The following DCLK1 variants were observed in gnomAD, a reference collection of about 807,000 sequenced individuals.
The protein encoded by DCLK1 is serine/threonine-protein kinase DCLK1.
Under a neutral mutation model 86.2 loss-of-function variants are expected in DCLK1, and 16 were observed. The observed-to-expected ratio is 0.19, with a 90% confidence interval of 0.13 to 0.28. The LOEUF is 0.28. Among genes scored for constraint, DCLK1 ranks in the 10% least tolerant of loss-of-function variants. DCLK1 has a pLI of 1.00. For missense variants in DCLK1, 590 were observed against 940.2 expected (o/e 0.63, Z 4.87); for synonymous variants, 369 against 370.5 (o/e 1.00, Z 0.05).
chr13:36,061,992 C>G (rs1171838874), intron 3 of DCLK1, among the ~76,000 whole-genome samples: 1 of 152,096 alleles, frequency 6.6e-6, no homozygotes, highest in Non-Finnish European at 1.5e-5. Context: ...CTCTGAGAAC[C>G]CTGTCTAAAT....
chr13:35,968,083 A>G (rs1878873356), intron 3 of DCLK1, among the ~76,000 whole-genome samples: 1 of 152,158 alleles, frequency 6.6e-6, no homozygotes, highest in South Asian at 2.1e-4. Context: ...GACACATGCT[A>G]CAAGATGGAT....
intron 4 of DCLK1, among the ~76,000 whole-genome samples, chr13:35,893,440 C>CTG (rs1272380929): frequency 1.3e-4 from 20 of 152,270 alleles, no homozygotes; most frequent in Admixed American, 2.0e-4. Flanking sequence ...TGAGCACTTC[C>CTG]TGTGTGCCAG....
At chr13:35,882,545 G>A (rs756602572) in intron 4 of DCLK1, among the ~76,000 whole-genome samples, 2 of 152,076 alleles carry the variant, frequency 1.3e-5, no homozygotes, top group African/African-American at 2.4e-5. Context: ...GTTGCTCTTC[G>A]AGAATATCCT....
At chr13:36,031,462 C>T (rs1245923285) in intron 3 of DCLK1, among the ~76,000 whole-genome samples, 3 of 152,072 alleles carry the variant, frequency 2.0e-5, no homozygotes, top group Non-Finnish European at 4.4e-5. Context: ...ATTATATGTA[C>T]GTACATATAT....
intron 3 of DCLK1, among the ~76,000 whole-genome samples, chr13:35,969,843 A>C (rs190610888): frequency 6.3e-4 from 96 of 152,308 alleles, no homozygotes; most frequent in Non-Finnish European, 1.2e-3. Context: ...GGATGTGATT[A>C]GGCATGACAG....
At chr13:36,053,971 T>A (rs902297494) in intron 3 of DCLK1, among the ~76,000 whole-genome samples, 7 of 152,106 alleles carry the variant, frequency 4.6e-5, no homozygotes, top group African/African-American at 1.7e-4. Context: ...GTAAAAGCCA[T>A]GGAAGATAAA....
intron 3 of DCLK1, among the ~76,000 whole-genome samples, chr13:36,040,071 G>A (rs1200448153): frequency 6.6e-6 from 1 of 151,664 alleles, no homozygotes; most frequent in Non-Finnish European, 1.5e-5. Flanking sequence ...ACCTTAAACT[G>A]TAAAATTATT....
intron 4 of DCLK1, among the ~76,000 whole-genome samples, chr13:35,916,005 G>A (rs1192084798): frequency 1.3e-5 from 2 of 152,022 alleles, no homozygotes; most frequent in African/African-American, 4.8e-5. Context: ...TTTAAGGATG[G>A]GAGTCAAAGG....
chr13:35,994,630 A>G (rs1199916695), intron 3 of DCLK1, among the ~76,000 whole-genome samples: 2 of 152,160 alleles, frequency 1.3e-5, no homozygotes, highest in Non-Finnish European at 2.9e-5. Context: ...CTCAAGCTTC[A>G]TTATCAGTGA....
At chr13:35,788,020 G>C in intron 16 of DCLK1, 1 of 608,144 alleles carries the variant, frequency 1.6e-6, no homozygotes, top group Non-Finnish European at 2.9e-6. Context: ...GCAAATGTCA[G>C]TGTGAATAAT....
At chr13:35,870,048 A>T (rs1872157270) in intron 5 of DCLK1, among the ~76,000 whole-genome samples, 1 of 152,174 alleles carries the variant, frequency 6.6e-6, no homozygotes, top group African/African-American at 2.4e-5. Context: ...CTACATGAGC[A>T]GTGTCATACT....
At chr13:35,977,117 ATG>A (rs5802795) in intron 3 of DCLK1, among the ~76,000 whole-genome samples, 69,947 of 151,950 alleles carry the variant, frequency 0.46, 17,319 homozygotes, top group Admixed American at 0.54. Context: ...TTTTTCGTGT[ATG>A]TGTGTGTGTA....
chr13:35,827,749 G>A lies in DCLK1; in HGVS notation c.1293C>T (p.His431=). The change falls in exon 10 of 17, where the codon CAC becomes CAT. Residue 431 remains histidine, a synonymous_variant. Transcript: ENST00000360631. Reference sequence around the variant, plus strand: ...AAATAGACACTTCATTCTGGATCATGTGCTCCTGTCCAAAGGAAAAGTTAT... The same window carrying A: ...AAATAGACACTTCATTCTGGATCATATGCTCCTGTCCAAAGGAAAAGTTAT... The part of the protein sequence containing the change: ...IKKSKCRGKE[H]MIQNEVSILR... 1 of 1,613,576 alleles carries A rather than the reference G, an allele frequency of 6.2e-7. No homozygotes were observed. The highest frequency in any genetic ancestry group is 8.5e-7 in the Non-Finnish European group (1 of 1,179,956).
chr13:35,847,197 A>C (rs1216194983), intron 6 of DCLK1: 1 of 981,040 alleles, frequency 1.0e-6, no homozygotes, highest in Non-Finnish European at 1.2e-6. Context: ...ATTTAGCTGA[A>C]TTTCAATTTT....
At chr13:35,881,626 G>T (rs1016483675) in intron 4 of DCLK1, among the ~76,000 whole-genome samples, 8 of 152,144 alleles carry the variant, frequency 5.3e-5, no homozygotes, top group Non-Finnish European at 8.8e-5. Context: ...TGGCACTATG[G>T]CTCGGTACAT....
chr13:35,966,827 G>C (rs1878768928), intron 3 of DCLK1, among the ~76,000 whole-genome samples: 1 of 151,984 alleles, frequency 6.6e-6, no homozygotes, highest in Non-Finnish European at 1.5e-5. Flanking sequence ...CCAGGCTGGA[G>C]TGCAGTGGCG....
chr13:35,920,448 C>T (rs1256204591), intron 4 of DCLK1, among the ~76,000 whole-genome samples: 2 of 152,118 alleles, frequency 1.3e-5, no homozygotes, highest in Non-Finnish European at 2.9e-5. Context: ...AAATGAATAG[C>T]AAAACCAAAA....
chr13:35,877,256 G>T (rs548320474), intron 4 of DCLK1, among the ~76,000 whole-genome samples: 13 of 152,322 alleles, frequency 8.5e-5, no homozygotes, highest in African/African-American at 3.1e-4. Flanking sequence ...ATAAGGAGGA[G>T]GTGGAACATA....
intron 7 of DCLK1, 87 bp from the exon 8 acceptor site, chr13:35,836,228 A>G: frequency 8.8e-7 from 1 of 1,132,336 alleles, no homozygotes; most frequent in Non-Finnish European, 1.3e-6. Context: ...CATCTAATTG[A>G]CTGGAATGGA....
Sources: allele counts gnomAD v4.1 joint callset (sites outside exome capture counted in the v4.1 genomes callset), GRCh38; gene constraint gnomAD v4.1.1; transcripts MANE v1.5; gene names NCBI Gene and HGNC (gene_info 2026-07-23, HGNC 2026-07-21).